The following MLLT10 variants were observed in gnomAD, a reference collection of about 807,000 sequenced individuals.
MLLT10 encodes the protein MLLT10 histone lysine methyltransferase DOT1L cofactor.
A neutral mutation model predicts 129.1 loss-of-function variants in MLLT10; 30 were observed. That is an observed-to-expected ratio of 0.23 (90% CI 0.17 to 0.32). The LOEUF (loss-of-function observed/expected upper bound fraction) is 0.32. Ranked by LOEUF, MLLT10 falls within the 10% of genes least tolerant of loss-of-function variation. The pLI, the probability that MLLT10 is intolerant of heterozygous loss-of-function variation, is 1.00. For missense variants in MLLT10, 1,119 were observed against 1,268.3 expected (o/e 0.88, Z 1.79); for synonymous variants, 490 against 446.4 (o/e 1.10, Z -1.23).
intron 8 of MLLT10, among the ~76,000 whole-genome samples, chr10:21,635,347 T>C (rs2047358474): frequency 6.6e-6 from 1 of 152,136 alleles, no homozygotes; most frequent in African/African-American, 2.4e-5. Context: ...TTCCATGAGT[T>C]TTTAGTTTTA....
intron 9 of MLLT10, among the ~76,000 whole-genome samples, chr10:21,662,579 A>G (rs996248266): frequency 2.0e-4 from 31 of 152,146 alleles, no homozygotes; most frequent in Non-Finnish European, 7.4e-5. Context: ...TTCATTATGC[A>G]TATGTTCTTG....
chr10:21,578,197 G>C (rs1471110221), intron 3 of MLLT10, among the ~76,000 whole-genome samples: 1 of 152,136 alleles, frequency 6.6e-6, no homozygotes, highest in Non-Finnish European at 1.5e-5. Flanking sequence ...ACCTGGCCTG[G>C]TGTTGATTTT....
intron 3 of MLLT10, among the ~76,000 whole-genome samples, chr10:21,586,026 T>TCTA (rs1406087659): frequency 1.3e-5 from 2 of 152,134 alleles, no homozygotes; most frequent in African/African-American, 4.8e-5. Context: ...CTCCCAAAGT[T>TCTA]CTAAGATTTA....
At chr10:21,584,884 GT>G (rs1229968233) in intron 3 of MLLT10, among the ~76,000 whole-genome samples, 1 of 150,968 alleles carries the variant, frequency 6.6e-6, no homozygotes, top group Non-Finnish European at 1.5e-5. Context: ...GTGTGTGTGT[GT>G]TTATATATAT....
chr10:21,542,040 G>T (rs2035259415), intron 3 of MLLT10, among the ~76,000 whole-genome samples: 1 of 152,218 alleles, frequency 6.6e-6, no homozygotes, highest in Non-Finnish European at 1.5e-5. Flanking sequence ...GGAACGTATG[G>T]TTTATTAGTA....
chr10:21,641,606 GATC>G (rs2048010281), intron 8 of MLLT10, among the ~76,000 whole-genome samples: 1 of 152,114 alleles, frequency 6.6e-6, no homozygotes, highest in East Asian at 1.9e-4. Context: ...AGTGAGCTAT[GATC>G]ATACCACTGC....
chr10:21,621,062 G>A (rs2045773306), intron 8 of MLLT10, among the ~76,000 whole-genome samples: 1 of 150,834 alleles, frequency 6.6e-6, no homozygotes, highest in African/African-American at 2.4e-5. Flanking sequence ...TCGGTTTACT[G>A]CAAGCTCCGC....
intron 8 of MLLT10, among the ~76,000 whole-genome samples, chr10:21,637,801 C>T (rs1486736846): frequency 6.6e-6 from 1 of 152,164 alleles, no homozygotes; most frequent in Admixed American, 6.5e-5. Context: ...TACCAAGTAC[C>T]ATCAGTGTGT....
chr10:21,543,485 T>C (rs2035560018), intron 3 of MLLT10, among the ~76,000 whole-genome samples: 1 of 152,042 alleles, frequency 6.6e-6, no homozygotes, highest in Non-Finnish European at 1.5e-5. Context: ...ATATATATTA[T>C]GTTTTTTTGG....
At chr10:21,697,032 C>G (rs899706944) in intron 13 of MLLT10, among the ~76,000 whole-genome samples, 1 of 127,240 alleles carries the variant, frequency 7.9e-6, no homozygotes, top group Non-Finnish European at 1.5e-5. Flanking sequence ...TATTTCTTTA[C>G]TTATTATACC....
Position 21,735,714 on chromosome 10 carries a change from A to G in MLLT10, c.2955+479A>G, listed in dbSNP as rs1485626400. Among the ~76,000 whole-genome samples, 3 of 152,118 alleles carry G rather than the reference A, an allele frequency of 2.0e-5. No homozygotes were observed. In the East Asian group the frequency reaches 5.8e-4, roughly 29 times the overall value. ...GCCTTTGTGACTTGAGGGAACGCAG[A>G]GAGAAAGCACGTTGGAGGTAAAGGG... On this transcript the variant is annotated intron_variant, in intron 21 of 22. Transcript: ENST00000307729.
intron 12 of MLLT10, among the ~76,000 whole-genome samples, chr10:21,681,680 T>A (rs940831456): frequency 1.3e-5 from 2 of 152,216 alleles, no homozygotes; most frequent in African/African-American, 4.8e-5. Flanking sequence ...CATTTTGTTT[T>A]CTATTCTTAA....
At chr10:21,636,919 A>T (rs1048787323) in intron 8 of MLLT10, among the ~76,000 whole-genome samples, 4 of 152,222 alleles carry the variant, frequency 2.6e-5, no homozygotes, top group Non-Finnish European at 5.9e-5. Flanking sequence ...GAATCAGCAG[A>T]TACTAACGGA....
chr10:21,729,734 A>G (rs544267053), intron 16 of MLLT10, among the ~76,000 whole-genome samples: 5 of 152,296 alleles, frequency 3.3e-5, no homozygotes, highest in South Asian at 2.1e-4. Context: ...ACTTCTCACT[A>G]GGTTGTTGTG....
At position 21,730,907 on chromosome 10, in the gene MLLT10, G is replaced by A. The variant is rs755803280; in HGVS notation, c.2071G>A (p.Val691Ile). 1.9e-6 allele frequency: 3 copies of A among 1,614,062 alleles called. No individual in the cohort carries two copies. The highest frequency in any genetic ancestry group is 1.1e-5 in the South Asian group (1 of 91,090). Residue 691 changes from valine (V) to isoleucine (I), a missense_variant, in exon 17 of 23, where the codon GTA (valine) becomes ATA (isoleucine). Physicochemically the swap from Val to Ile is conservative, Grantham distance 29. Coordinates refer to ENST00000307729, the MANE Select transcript of MLLT10 (RefSeq NM_001195626.3). The part of the protein sequence containing the change: ...PRGSLSPRSP[V>I]SSLQIRYDQP... ...GAGAATTGTTTTCAACAGATCCCCT[G>A]TAAGCAGCTTACAGATTCGCTATGA...
At chr10:21,667,221 A>G (rs1022900734) in intron 9 of MLLT10, among the ~76,000 whole-genome samples, 2 of 152,214 alleles carry the variant, frequency 1.3e-5, no homozygotes, top group Admixed American at 1.3e-4. Flanking sequence ...CATCCTTAAA[A>G]AGAAAAAAGA....
At chr10:21,684,388 A>G (rs370929656) in intron 13 of MLLT10, among the ~76,000 whole-genome samples, 3 of 152,200 alleles carry the variant, frequency 2.0e-5, no homozygotes, top group East Asian at 1.9e-4. Flanking sequence ...TTGCAGACTT[A>G]TATTTCGAAA....
In MLLT10 at chr10:21,698,694, G is replaced by A. The variant is rs537934554; in HGVS notation, c.1700-15078G>A. Among the ~76,000 whole-genome samples the A allele has an allele frequency of 1.9e-3, 285 of 152,270 alleles. 2 individuals are homozygous for A. The highest frequency in any genetic ancestry group is 0.01 in the Middle Eastern group (3 of 294). ...TACTAATTTTACATTCCTACCAATAGTGTATAAGAGTTTATTTTTCTCCAC... is the reference window on the plus strand; with the variant it reads ...TACTAATTTTACATTCCTACCAATAATGTATAAGAGTTTATTTTTCTCCAC... On this transcript the variant is annotated intron_variant, in intron 13 of 22. Coordinates refer to ENST00000307729, the MANE Select transcript of MLLT10 (RefSeq NM_001195626.3).
intron 11 of MLLT10, among the ~76,000 whole-genome samples, chr10:21,680,409 T>C (rs1318458013): frequency 6.6e-6 from 1 of 151,924 alleles, no homozygotes; most frequent in African/African-American, 2.4e-5. Context: ...TTTCGCCTTA[T>C]TGGGCAGGCT....
Sources: gnomAD v4.1 joint callset for allele counts (sites outside exome capture counted in the v4.1 genomes callset) on GRCh38, gnomAD v4.1.1 for gene constraint, MANE v1.5 for transcripts, NCBI Gene and HGNC (gene_info 2026-07-23, HGNC 2026-07-21) for gene names.